Variants in RNF220 observed in about 807,000 individuals in gnomAD.
RNF220 encodes E3 ubiquitin-protein ligase RNF220.
In RNF220, 7 loss-of-function variants were observed where a neutral mutation model predicts 67.1. The ratio of observed to expected loss-of-function variants is 0.10; its 90% CI spans 0.06 to 0.20. The LOEUF (loss-of-function observed/expected upper bound fraction) is 0.20. Ranked by LOEUF, RNF220 falls within the 10% of genes least tolerant of loss-of-function variation. The pLI, the probability that RNF220 is intolerant of heterozygous loss-of-function variation, is 1.00. For synonymous variants in RNF220, 270 were observed against 283.2 expected (o/e 0.95, Z 0.47); for missense variants, 565 against 740.3 (o/e 0.76, Z 2.75).
Position 44,645,696 on chromosome 1 carries a change from TGGC to T in RNF220, c.1445+211_1445+213del, listed in dbSNP as rs1644621787. Among the ~76,000 whole-genome samples, 1 of 152,174 alleles carries T rather than the reference TGGC, an allele frequency of 6.6e-6. No homozygotes were observed. Among genetic ancestry groups the T allele is most frequent in the Non-Finnish European group, 1.5e-5 (1 of 68,026 alleles). On this transcript the variant is annotated intron_variant, in intron 12 of 14. Coordinates refer to ENST00000361799, the MANE Select transcript of RNF220 (RefSeq NM_018150.4). The surrounding 1 kb of genome is among the most constrained non-coding windows in gnomAD (Gnocchi z 5.0). ...CACTGGGCCACGGCCCCAGAAGCCT[TGGC>T]GGTGGGAGGAGCAGTCCACCCGCCT...
chr1:44,527,923 CCCAAAAAA>C (rs1232293214), intron 2 of RNF220, among the ~76,000 whole-genome samples: 32 of 7,400 alleles, frequency 4.3e-3, no homozygotes, highest in East Asian at 0.024. Flanking sequence ...AAGACTCCAT[CCCAAAAAA>C]AAAAAAAAAA....
intron 2 of RNF220, among the ~76,000 whole-genome samples, chr1:44,502,747 A>AATT (rs75429220): frequency 0.19 from 29,092 of 151,214 alleles, 2,834 homozygotes; most frequent in Admixed American, 0.21. Context: ...AAAACGTGTG[A>AATT]ATTATTATTA....
At chr1:44,637,549 A>G (rs573486620) in intron 8 of RNF220, among the ~76,000 whole-genome samples, 1 of 152,306 alleles carries the variant, frequency 6.6e-6, no homozygotes, top group South Asian at 2.1e-4. Flanking sequence ...CACATCCTCC[A>G]TTGCTGTGGC....
At position 44,649,285 on chromosome 1, in the gene RNF220, C is replaced by CT. The variant is rs1644728222; in HGVS notation, c.1446-375dup. 1 of 285,618 alleles carries CT rather than the reference C, an allele frequency of 3.5e-6. No homozygotes were observed. The highest frequency in any genetic ancestry group is 2.2e-5 in the African/African-American group (1 of 44,506). 17.7% of individuals were successfully genotyped at this position (285,618 alleles called of 1,614,324 possible). A position where few individuals can be genotyped will look rare whatever the true frequency, so the allele number is the denominator to read the frequency against. On this transcript the variant is annotated intron_variant, in intron 12 of 14. Transcript: ENST00000361799. This position sits in a 1 kb window ranked among gnomAD's most constrained non-coding sequence, Gnocchi z 5.9. ...GATGAGGGGCCTGGAGGCAGAAAGG[C>CT]TGTCTGGAAAAAGTTAGTGGTGGAA...
Position 44,606,942 on chromosome 1 carries a change from A to G in RNF220, c.626-7223A>G, listed in dbSNP as rs1667311672. ...TGTCTAATAGTTCCTCAAGCTAAGT[A>G]CATCCAAAACTCAACTCATTTTCTT... is the stretch of plus-strand genomic sequence containing the variant. On this transcript the variant is annotated intron_variant, in intron 2 of 14. Transcript: ENST00000361799. The surrounding 1 kb of genome is among the most constrained non-coding windows in gnomAD (Gnocchi z 4.2). Among the ~76,000 whole-genome samples the G allele has an allele frequency of 3.3e-5, 5 of 152,210 alleles. No individual in the cohort carries two copies. The highest frequency in any genetic ancestry group is 3.3e-4 in the Admixed American group (5 of 15,278).
intron 3 of RNF220, among the ~76,000 whole-genome samples, chr1:44,619,199 T>C (rs1573069130): frequency 6.6e-6 from 1 of 152,250 alleles, no homozygotes; most frequent in Non-Finnish European, 1.5e-5. Flanking sequence ...AAGCTAAAAG[T>C]TGGGCTTGGC....
At chr1:44,631,858 T>C (rs886390855) in intron 5 of RNF220, 25 of 974,148 alleles carry the variant, frequency 2.6e-5, no homozygotes, top group East Asian at 2.3e-4. Flanking sequence ...GGGAGGCTTC[T>C]GCCGGTTGCT....
chr1:44,416,645 C>T (rs943545955), intron 2 of RNF220, among the ~76,000 whole-genome samples: 2 of 152,214 alleles, frequency 1.3e-5, no homozygotes, highest in Non-Finnish European at 2.9e-5. Flanking sequence ...CAGAACTGCC[C>T]GCGTGGAGCG....
intron 2 of RNF220, among the ~76,000 whole-genome samples, chr1:44,594,413 G>A (rs1666330878): frequency 6.6e-6 from 1 of 152,232 alleles, no homozygotes. Flanking sequence ...ATCGGGCAGA[G>A]CAGAGCCGTA....
rs943756000 is a variant in RNF220, at chr1:44,624,701, C to T, written c.805-1596C>T. On this transcript the variant is annotated intron_variant, in intron 4 of 14. Transcript: ENST00000361799. This position sits in a 1 kb window ranked among gnomAD's most constrained non-coding sequence, Gnocchi z 4.2. ...GGAGGGAGGGAGGAGGAGGAGAGGGCGAGGGGGCCTTAGACAAGATTGATG... is the reference window on the plus strand; with the variant it reads ...GGAGGGAGGGAGGAGGAGGAGAGGGTGAGGGGGCCTTAGACAAGATTGATG... Among the ~76,000 whole-genome samples the T allele has an allele frequency of 1.3e-5, 2 of 151,822 alleles. No individual in the cohort carries two copies. Among genetic ancestry groups the T allele is most frequent in the African/African-American group, 2.4e-5 (1 of 41,316 alleles).
intron 2 of RNF220, among the ~76,000 whole-genome samples, chr1:44,493,338 A>G (rs918034226): frequency 6.6e-6 from 1 of 151,712 alleles, no homozygotes; most frequent in African/African-American, 2.4e-5. Context: ...ACATGGTAAA[A>G]CTCCGTCTCT....
chr1:44,565,476 G>A lies in RNF220; in HGVS notation c.626-48689G>A, dbSNP rs2148301143. On this transcript the variant is annotated intron_variant, in intron 2 of 14. Coordinates refer to ENST00000361799, the MANE Select transcript of RNF220 (RefSeq NM_018150.4). The surrounding 1 kb of genome is among the most constrained non-coding windows in gnomAD (Gnocchi z 4.2). The stretch of plus-strand genomic sequence containing the variant: ...CAGGAGCCGCTTAATCTGCCCCTAG[G>A]AAGTGCAGGCTGGGGACAGCAGGCA... Among the ~76,000 whole-genome samples, 1 of 152,294 alleles carries A rather than the reference G, an allele frequency of 6.6e-6. No homozygotes were observed. The highest frequency in any genetic ancestry group is 1.5e-5 in the Non-Finnish European group (1 of 68,020).
intron 2 of RNF220, among the ~76,000 whole-genome samples, chr1:44,474,290 G>T (rs1284536739): frequency 6.6e-6 from 1 of 151,228 alleles, no homozygotes; most frequent in Non-Finnish European, 1.5e-5. Context: ...CAGGAGAATC[G>T]CTTGAACCCG....
chr1:44,411,007 G>C (rs961046888), intron 1 of RNF220, among the ~76,000 whole-genome samples: 3 of 152,168 alleles, frequency 2.0e-5, no homozygotes, highest in African/African-American at 7.2e-5. Context: ...GCCTTTATTG[G>C]ACATCAGCTC....
intron 2 of RNF220, among the ~76,000 whole-genome samples, chr1:44,516,425 G>A (rs908375200): frequency 6.6e-6 from 1 of 152,210 alleles, no homozygotes; most frequent in Non-Finnish European, 1.5e-5. Context: ...CAGCCAAAGA[G>A]CAAAGGAAAG....
At chr1:44,611,295 G>A (rs1643296978) in intron 2 of RNF220, among the ~76,000 whole-genome samples, 1 of 152,232 alleles carries the variant, frequency 6.6e-6, no homozygotes, top group African/African-American at 2.4e-5. Flanking sequence ...GCCAAGCTCA[G>A]AAAAGTAGAA....
Position 44,557,972 on chromosome 1 carries a change from C to T in RNF220, c.626-56193C>T, listed in dbSNP as rs555533221. Among the ~76,000 whole-genome samples the T allele has an allele frequency of 2.6e-5, 4 of 152,310 alleles. No individual in the cohort carries two copies. The South Asian group carries it at 6.2e-4, about 24-fold the overall frequency. On this transcript the variant is annotated intron_variant, in intron 2 of 14. Coordinates refer to ENST00000361799, the MANE Select transcript of RNF220 (RefSeq NM_018150.4). ...GACAGAGTGCCACGGCTGAGCCCTG[C>T]GGGTAGGACTGTTCCAGCTGGGCAC...
chr1:44,408,813 T>G (rs952754156), intron 1 of RNF220: 1 of 152,152 alleles, frequency 6.6e-6, no homozygotes, highest in Non-Finnish European at 1.5e-5. Flanking sequence ...GCAGCTTTCT[T>G]TGTGGCAGTC....
At chr1:44,420,161 G>C (rs999866671) in intron 2 of RNF220, among the ~76,000 whole-genome samples, 1 of 152,242 alleles carries the variant, frequency 6.6e-6, no homozygotes, top group Non-Finnish European at 1.5e-5. Context: ...TAGAAGAAAT[G>C]AAAGTTGTGT....
Sources: allele counts gnomAD v4.1 joint callset (sites outside exome capture counted in the v4.1 genomes callset), GRCh38; gene constraint gnomAD v4.1.1; non-coding constraint Gnocchi (gnomAD v3.1); transcripts MANE v1.5; gene names NCBI Gene and HGNC (gene_info 2026-07-23, HGNC 2026-07-21).